NMNAT2: variants seen among roughly 807,000 people sequenced by gnomAD.
The protein encoded by NMNAT2 is nicotinamide nucleotide adenylyltransferase 2, also known as nicotinamide/nicotinic acid mononucleotide adenylyltransferase 2.
Under a neutral mutation model 41.6 loss-of-function variants are expected in NMNAT2, and 11 were observed. That is an observed-to-expected ratio of 0.26 (90% CI 0.17 to 0.44). The LOEUF (loss-of-function observed/expected upper bound fraction) is 0.44. NMNAT2 is among the 20% of genes least tolerant of loss of function. NMNAT2 has a pLI of 1.00. For synonymous variants in NMNAT2, 148 were observed against 151.2 expected (o/e 0.98, Z 0.16); for missense variants, 288 against 407.7 (o/e 0.71, Z 2.53).
chr1:183,274,793 A>T (rs1036884176), intron 8 of NMNAT2, among the ~76,000 whole-genome samples: 4 of 151,678 alleles, frequency 2.6e-5, no homozygotes, highest in Non-Finnish European at 5.9e-5. Flanking sequence ...AAAAAAAGAC[A>T]TTTCATTAGA....
intron 1 of NMNAT2, among the ~76,000 whole-genome samples, chr1:183,389,677 A>G (rs1445338385): frequency 6.7e-6 from 1 of 150,298 alleles, no homozygotes; most frequent in Non-Finnish European, 1.5e-5. Context: ...TTGAGACTGC[A>G]GTGAGCTGAG....
intron 1 of NMNAT2, among the ~76,000 whole-genome samples, chr1:183,395,385 C>T (rs1011967740): frequency 2.0e-5 from 3 of 151,520 alleles, no homozygotes; most frequent in Non-Finnish European, 2.9e-5. Flanking sequence ...GAAGATAAGT[C>T]GGGGGCAGGG....
intron 10 of NMNAT2, among the ~76,000 whole-genome samples, chr1:183,257,529 G>A (rs1412424556): frequency 6.6e-6 from 1 of 152,140 alleles, no homozygotes; most frequent in South Asian, 2.1e-4. Context: ...TCTTTGTTGG[G>A]AAGTTTTTAA....
chr1:183,416,153 C>G (rs1649245437), intron 1 of NMNAT2, among the ~76,000 whole-genome samples: 1 of 152,214 alleles, frequency 6.6e-6, no homozygotes, highest in South Asian at 2.1e-4. Context: ...TTAACAAAAG[C>G]CTTTATTACT....
At chr1:183,371,633 C>A (rs1663546131) in intron 1 of NMNAT2, among the ~76,000 whole-genome samples, 1 of 152,170 alleles carries the variant, frequency 6.6e-6, no homozygotes. Context: ...TCTTAAAAAA[C>A]ATTTTTTTAA....
At chr1:183,406,773 G>T (rs1350490836) in intron 1 of NMNAT2, among the ~76,000 whole-genome samples, 12 of 147,966 alleles carry the variant, frequency 8.1e-5, no homozygotes, top group Non-Finnish European at 1.0e-4. Flanking sequence ...TTTTCAAACT[G>T]CAACTAAATA....
intron 1 of NMNAT2, among the ~76,000 whole-genome samples, chr1:183,417,135 C>T (rs191413105): frequency 6.6e-6 from 1 of 152,186 alleles, no homozygotes; most frequent in Admixed American, 6.5e-5. Flanking sequence ...ACGCTCATGC[C>T]CCACGCCTTT....
chr1:183,412,781 A>G (rs889381513), intron 1 of NMNAT2, among the ~76,000 whole-genome samples: 3 of 152,260 alleles, frequency 2.0e-5, no homozygotes, highest in Admixed American at 6.5e-5. Flanking sequence ...AAGAAACTGA[A>G]ACAAGAATAA....
At chr1:183,375,982 C>T (rs1663669763) in intron 1 of NMNAT2, among the ~76,000 whole-genome samples, 1 of 149,362 alleles carries the variant, frequency 6.7e-6, no homozygotes, top group Non-Finnish European at 1.5e-5. Flanking sequence ...TGAAAAGAAA[C>T]ACCTCACTCA....
intron 1 of NMNAT2, chr1:183,304,539 A>T (rs990146315): frequency 2.6e-6 from 2 of 756,882 alleles, no homozygotes; most frequent in East Asian, 5.1e-5. Context: ...GTCCCTAAAC[A>T]GGCATGCACA....
At chr1:183,301,317 C>T (rs528621989) in intron 1 of NMNAT2, among the ~76,000 whole-genome samples, 123 of 152,276 alleles carry the variant, frequency 8.1e-4, no homozygotes, top group Non-Finnish European at 1.5e-3. Context: ...TGTTAGAATA[C>T]CCACAAAAGA....
At chr1:183,327,415 G>A (rs936595151) in intron 1 of NMNAT2, among the ~76,000 whole-genome samples, 6 of 152,150 alleles carry the variant, frequency 3.9e-5, no homozygotes, top group Non-Finnish European at 7.4e-5. Context: ...ACTTCTCTCA[G>A]TTCACACAGC....
chr1:183,331,005 T>TC (rs1491305045), intron 1 of NMNAT2, among the ~76,000 whole-genome samples: 1 of 152,064 alleles, frequency 6.6e-6, no homozygotes, highest in Non-Finnish European at 1.5e-5. Flanking sequence ...TTTCTTTTTT[T>TC]CTCTCTCTCT....
chr1:183,408,680 A>G (rs141103859), intron 1 of NMNAT2, among the ~76,000 whole-genome samples: 16 of 152,338 alleles, frequency 1.1e-4, no homozygotes, highest in African/African-American at 3.8e-4. Context: ...TTCTTTGTCA[A>G]CACTGTTAAC....
At chr1:183,374,299 C>CA (rs938066637) in intron 1 of NMNAT2, among the ~76,000 whole-genome samples, 10 of 152,046 alleles carry the variant, frequency 6.6e-5, no homozygotes, top group Admixed American at 2.0e-4. Flanking sequence ...TGCTTGCACC[C>CA]CCCTGGCTCT....
intron 1 of NMNAT2, among the ~76,000 whole-genome samples, chr1:183,306,992 G>A (rs1018132796): frequency 2.6e-5 from 4 of 152,090 alleles, no homozygotes; most frequent in African/African-American, 4.8e-5. Context: ...TATTTCATGA[G>A]GAAGTGCAAC....
intron 1 of NMNAT2, among the ~76,000 whole-genome samples, chr1:183,372,138 A>C (rs189853994): frequency 1.3e-5 from 2 of 151,986 alleles, no homozygotes; most frequent in Admixed American, 6.6e-5. Flanking sequence ...ACCTACGTCC[A>C]CTCTTCTGGA....
chr1:183,337,203 T>A (rs951709310), intron 1 of NMNAT2, among the ~76,000 whole-genome samples: 3 of 151,812 alleles, frequency 2.0e-5, no homozygotes, highest in Non-Finnish European at 2.9e-5. Context: ...CCTTAATTTT[T>A]AAAAATGAAA....
rs200698655 is a variant in NMNAT2 at position 183,248,871 on chromosome 1, C to G, written c.*3770G>C. 1.3e-5 allele frequency: 2 copies of G among 151,218 alleles called. No individual in the cohort carries two copies. The highest frequency in any genetic ancestry group is 4.2e-4 in the South Asian group (2 of 4,784). The allele number at this position is 151,218 out of a possible 1,614,324, so 9.4% of individuals were successfully genotyped here. A position where few individuals can be genotyped will look rare whatever the true frequency, so the allele number is the denominator to read the frequency against. On this transcript the variant is annotated 3_prime_UTR_variant, in exon 11 of 11. Transcript: ENST00000287713. ...GAGTAAAATGTAATAACATGCTTCT[C>G]TCTCTTAGTCCCCTAAAAGAGTGTG...
Sources: gnomAD v4.1 joint callset for allele counts (sites outside exome capture counted in the v4.1 genomes callset) on GRCh38, gnomAD v4.1.1 for gene constraint, MANE v1.5 for transcripts, NCBI Gene and HGNC (gene_info 2026-07-23, HGNC 2026-07-21) for gene names.